The following SGSM1 variants were observed in gnomAD, a reference collection of about 807,000 sequenced individuals.
The protein encoded by SGSM1 is RUN and TBC1 domain containing 2.
Under a neutral mutation model 133.8 loss-of-function variants are expected in SGSM1, and 73 were observed. The observed-to-expected ratio is 0.55, with a 90% CI of 0.45 to 0.66. The LOEUF (loss-of-function observed/expected upper bound fraction) is 0.66. SGSM1 is among the 30% of genes least tolerant of loss of function. The pLI is 0.00. For synonymous variants in SGSM1, 563 were observed against 573.0 expected (o/e 0.98, Z 0.25); for missense variants, 1,213 against 1,448.1 (o/e 0.84, Z 2.64).
At chr22:24,819,689 G>A (rs1928351450) in intron 2 of SGSM1, among the ~76,000 whole-genome samples, 1 of 152,202 alleles carries the variant, frequency 6.6e-6, no homozygotes, top group Non-Finnish European at 1.5e-5. Flanking sequence ...GCACAGAGAA[G>A]TGAAGTGACT....
chr22:24,861,733 A>G (rs1216103369), intron 9 of SGSM1, among the ~76,000 whole-genome samples: 1 of 151,548 alleles, frequency 6.6e-6, no homozygotes, highest in African/African-American at 2.4e-5. Flanking sequence ...TTTTCGTTAG[A>G]TACGGGGTTT....
intron 4 of SGSM1, among the ~76,000 whole-genome samples, chr22:24,848,619 T>C (rs1331273708): frequency 7.9e-5 from 12 of 152,204 alleles, no homozygotes; most frequent in Non-Finnish European, 1.5e-5. Context: ...GGTCAGGGAA[T>C]GACAATTTGG....
intron 2 of SGSM1, among the ~76,000 whole-genome samples, chr22:24,825,073 A>T (rs893254233): frequency 2.0e-5 from 3 of 152,156 alleles, no homozygotes; most frequent in African/African-American, 4.8e-5. Flanking sequence ...AGCTTAGGGG[A>T]TGGGGAGTCC....
intron 21 of SGSM1, among the ~76,000 whole-genome samples, chr22:24,905,650 G>T (rs972008062): frequency 1.3e-5 from 2 of 151,914 alleles, no homozygotes; most frequent in South Asian, 4.2e-4. Context: ...TTAGCCAGGC[G>T]TGGTGGCAGG....
chr22:24,807,988 G>A (rs1051022336), intron 2 of SGSM1, among the ~76,000 whole-genome samples: 1 of 152,120 alleles, frequency 6.6e-6, no homozygotes, highest in African/African-American at 2.4e-5. Flanking sequence ...ATTTTCGAAT[G>A]AGACATGCAA....
intron 21 of SGSM1, among the ~76,000 whole-genome samples, chr22:24,905,598 G>A (rs1214617623): frequency 6.6e-6 from 1 of 151,786 alleles, no homozygotes; most frequent in Non-Finnish European, 1.5e-5. Flanking sequence ...CCATCCTGGT[G>A]AACACGGTGA....
chr22:24,833,503 C>A (rs1406700817), intron 2 of SGSM1, among the ~76,000 whole-genome samples: 1 of 151,790 alleles, frequency 6.6e-6, no homozygotes, highest in Non-Finnish European at 1.5e-5. Context: ...ACTAAAAATA[C>A]AAAAATCAGC....
At chr22:24,807,355 CTT>C (rs780370575) in intron 2 of SGSM1, among the ~76,000 whole-genome samples, 2 of 152,186 alleles carry the variant, frequency 1.3e-5, no homozygotes, top group East Asian at 3.9e-4. Flanking sequence ...AAGTGTATCT[CTT>C]TGCACTGTGT....
chr22:24,848,770 C>T (rs986483441), intron 4 of SGSM1, among the ~76,000 whole-genome samples: 3 of 152,260 alleles, frequency 2.0e-5, no homozygotes, highest in Non-Finnish European at 2.9e-5. Context: ...AGGGAAGACA[C>T]AAGCATGTCC....
At chr22:24,847,547 T>C (rs1057044511) in intron 3 of SGSM1, 87 bp from the exon 4 acceptor site, 12 of 1,498,212 alleles carry the variant, frequency 8.0e-6, no homozygotes, top group Non-Finnish European at 1.1e-5. Context: ...CTCTCCAAGG[T>C]TCCAGTGTCT....
At chr22:24,915,667 A>G (rs184711886) in intron 22 of SGSM1, among the ~76,000 whole-genome samples, 4 of 152,332 alleles carry the variant, frequency 2.6e-5, no homozygotes, top group African/African-American at 7.2e-5. Context: ...AGAGTTTCCA[A>G]TCCCTCAAGC....
chr22:24,895,725 A>C (rs1254633620), intron 18 of SGSM1, among the ~76,000 whole-genome samples: 1 of 152,196 alleles, frequency 6.6e-6, no homozygotes, highest in Admixed American at 6.5e-5. Flanking sequence ...TGGTGAAAAG[A>C]GATAACTCAA....
At chr22:24,867,020 G>A in intron 9 of SGSM1, 73 bp from the exon 10 acceptor site, 2 of 1,449,186 alleles carry the variant, frequency 1.4e-6, no homozygotes, top group South Asian at 1.2e-5. Context: ...GTTGTGGTCT[G>A]CTGGCCTCTG....
intron 19 of SGSM1, among the ~76,000 whole-genome samples, chr22:24,901,606 G>A (rs979827386): frequency 2.0e-5 from 3 of 152,046 alleles, no homozygotes; most frequent in Admixed American, 2.0e-4. Flanking sequence ...TTCACTTCCA[G>A]CTATAGTTGT....
intron 3 of SGSM1, 38 bp downstream of exon 3, chr22:24,845,010 T>G: frequency 1.2e-6 from 2 of 1,601,348 alleles, no homozygotes; most frequent in Non-Finnish European, 1.7e-6. Flanking sequence ...TCTTTCTCTG[T>G]GGGCTGCCTC....
intron 13 of SGSM1, among the ~76,000 whole-genome samples, chr22:24,879,089 A>G (rs114864429): frequency 6.6e-6 from 1 of 152,332 alleles, no homozygotes; most frequent in African/African-American, 2.4e-5. Flanking sequence ...AAACCCATTC[A>G]GAAAAGTGTC....
At chr22:24,913,243 A>C (rs12158720) in intron 22 of SGSM1, among the ~76,000 whole-genome samples, 18,706 of 149,332 alleles carry the variant, frequency 0.13, 2,475 homozygotes, top group African/African-American at 0.33. Flanking sequence ...CAGTGAGCCG[A>C]GATCGAGCCA....
chr22:24,887,466 A>G (rs1203735726), intron 16 of SGSM1, among the ~76,000 whole-genome samples: 1 of 152,106 alleles, frequency 6.6e-6, no homozygotes, highest in Non-Finnish European at 1.5e-5. Flanking sequence ...GTATTCCATG[A>G]TGTGGCTGTA....
chr22:24,810,876 A>G (rs1927693988), intron 2 of SGSM1, among the ~76,000 whole-genome samples: 1 of 152,138 alleles, frequency 6.6e-6, no homozygotes, highest in Non-Finnish European at 1.5e-5. Context: ...GGACTTGCTA[A>G]GAAGGTTGGA....
Sources: gnomAD v4.1 joint callset for allele counts (sites outside exome capture counted in the v4.1 genomes callset) on GRCh38, gnomAD v4.1.1 for gene constraint, MANE v1.5 for transcripts, NCBI Gene and HGNC (gene_info 2026-07-23, HGNC 2026-07-21) for gene names.